Variants in DIAPH3 observed in about 807,000 individuals in gnomAD.
DIAPH3 encodes diaphanous related formin 3.
DIAPH3 carries 117 observed loss-of-function variants against 144.3 expected under a neutral mutation model. The ratio of observed to expected loss-of-function variants is 0.81; its 90% confidence interval spans 0.70 to 0.95. The LOEUF (loss-of-function observed/expected upper bound fraction) is 0.95, where lower values mean the gene tolerates loss of function less well. Ranked by LOEUF, DIAPH3 falls within the 40% of genes least tolerant of loss-of-function variation. The pLI, the probability that DIAPH3 is intolerant of heterozygous loss-of-function variation, is 0.00. For missense variants in DIAPH3, 1,421 were observed against 1,412.7 expected, an observed-to-expected ratio of 1.01 and a Z score of -0.09; for synonymous variants, 519 against 488.9, an observed-to-expected ratio of 1.06 and a Z score of -0.81.
intron 27 of DIAPH3, among the ~76,000 whole-genome samples, chr13:59,735,164 CAAT>C (rs1009879579): frequency 2.6e-5 from 4 of 151,788 alleles, no homozygotes; most frequent in African/African-American, 9.7e-5. Context: ...AAAAACAATG[CAAT>C]ATTATAAGCA....
chr13:59,869,485 T>C (rs1369354800), intron 21 of DIAPH3, among the ~76,000 whole-genome samples: 1 of 152,168 alleles, frequency 6.6e-6, no homozygotes, highest in East Asian at 1.9e-4. Flanking sequence ...ATATACCGGA[T>C]TGTGAAAAGA....
At chr13:59,714,135 C>A (rs892791036) in intron 27 of DIAPH3, among the ~76,000 whole-genome samples, 2 of 151,880 alleles carry the variant, frequency 1.3e-5, no homozygotes, top group East Asian at 3.9e-4. Context: ...CCGAGGCGGG[C>A]GGATCACGAG....
chr13:60,119,919 G>T (rs1162835794), intron 2 of DIAPH3, among the ~76,000 whole-genome samples: 2 of 152,036 alleles, frequency 1.3e-5, no homozygotes, highest in Non-Finnish European at 2.9e-5. Context: ...CTTGTTGAAG[G>T]TATGAATGAA....
intron 5 of DIAPH3, among the ~76,000 whole-genome samples, chr13:60,025,534 G>A (rs2054321148): frequency 6.6e-6 from 1 of 151,436 alleles, no homozygotes; most frequent in South Asian, 2.1e-4. Context: ...CAGTGACAGT[G>A]GTAAGAGGAG....
At chr13:59,737,931 C>T (rs1775678377) in intron 27 of DIAPH3, among the ~76,000 whole-genome samples, 1 of 152,012 alleles carries the variant, frequency 6.6e-6, no homozygotes, top group African/African-American at 2.4e-5. Flanking sequence ...CTTTGGGAGG[C>T]CGAGGTGGGT....
At position 59,943,135 on chromosome 13, in the gene DIAPH3, G is replaced by A. The variant is rs114912049; in HGVS notation, c.2075-18265C>T. Among the ~76,000 whole-genome samples, 506 of 152,150 alleles carry A rather than the reference G, an allele frequency of 3.3e-3. 2 individuals are homozygous for A. The highest frequency in any genetic ancestry group is 0.011 in the African/African-American group (460 of 41,498). ...CCGTTAGCACATTTCCTCTTCTATC[G>A]AGTCTGAACAAAATGGGCTTTCTGG... On this transcript the variant is annotated intron_variant, in intron 17 of 27. Coordinates refer to ENST00000400324, the MANE Select transcript of DIAPH3 (RefSeq NM_001042517.2).
rs114199980 is a variant in DIAPH3 at position 59,773,805 on chromosome 13, T to C, written c.3319+384A>G. ...AGGTATTTCTAACTGCACTGGCAAA[T>C]GTGGGAGATTAAAACAAGATGACAG... On this transcript the variant is annotated intron_variant, in intron 27 of 27. Coordinates refer to ENST00000400324, the MANE Select transcript of DIAPH3 (RefSeq NM_001042517.2). Among the ~76,000 whole-genome samples the C allele has an allele frequency of 4.7e-3, 417 of 87,952 alleles. 3 individuals are homozygous for C. The highest frequency in any genetic ancestry group is 0.014 in the African/African-American group (397 of 27,716). 57.7% of individuals were successfully genotyped at this position (87,952 alleles called of 152,430 possible). A position where few individuals can be genotyped will look rare whatever the true frequency, so the allele number is the denominator to read the frequency against.
chr13:60,102,416 T>C (rs1254388767), intron 3 of DIAPH3, among the ~76,000 whole-genome samples: 1 of 152,124 alleles, frequency 6.6e-6, no homozygotes. Flanking sequence ...GCATGGAACA[T>C]AATGGTCACT....
chr13:59,774,970 C>CT, intron 25 of DIAPH3, 147 bp from the exon 26 acceptor site: 2 of 687,296 alleles, frequency 2.9e-6, no homozygotes, highest in Non-Finnish European at 2.6e-6. Context: ...TAGGACAGGA[C>CT]TTTAACTCTC....
chr13:59,924,523 G>GTT (rs537212129), intron 18 of DIAPH3, among the ~76,000 whole-genome samples: 1 of 140,790 alleles, frequency 7.1e-6, no homozygotes, highest in Admixed American at 7.1e-5. Context: ...AAGAGTAGCT[G>GTT]TTTTTTTTTT....
intron 27 of DIAPH3, among the ~76,000 whole-genome samples, chr13:59,715,319 T>C (rs1308975273): frequency 6.6e-6 from 1 of 152,184 alleles, no homozygotes; most frequent in African/African-American, 2.4e-5. Context: ...GCATCTGTTC[T>C]GTAGCAGTAC....
intron 1 of DIAPH3, among the ~76,000 whole-genome samples, chr13:60,139,792 A>C (rs139062808): frequency 6.8e-4 from 104 of 152,314 alleles, no homozygotes; most frequent in Non-Finnish European, 1.1e-3. Flanking sequence ...GTTGGGGTAA[A>C]ATAAAAGGAA....
chr13:60,117,850 G>A (rs2058738563), intron 2 of DIAPH3, among the ~76,000 whole-genome samples: 1 of 152,034 alleles, frequency 6.6e-6, no homozygotes, highest in African/African-American at 2.4e-5. Context: ...GCTGGGGGTT[G>A]TTTATGTGTG....
chr13:59,816,358 T>A (rs139779385), intron 24 of DIAPH3, among the ~76,000 whole-genome samples: 165 of 152,058 alleles, frequency 1.1e-3, no homozygotes, highest in African/African-American at 3.8e-3. Context: ...CTATTTCTTT[T>A]AAAGTAATTT....
intron 12 of DIAPH3, among the ~76,000 whole-genome samples, chr13:59,989,557 A>C (rs2140796767): frequency 6.6e-6 from 1 of 152,010 alleles, no homozygotes; most frequent in Non-Finnish European, 1.5e-5. Flanking sequence ...AAAGAGCCAA[A>C]GAAGGAATTA....
intron 12 of DIAPH3, among the ~76,000 whole-genome samples, chr13:59,988,186 TG>T (rs1388809509): frequency 2.0e-5 from 3 of 151,836 alleles, no homozygotes; most frequent in Non-Finnish European, 4.4e-5. Context: ...AAACGGTTCC[TG>T]GGTACAAATC....
At chr13:59,919,231 A>T (rs2047394855) in intron 18 of DIAPH3, among the ~76,000 whole-genome samples, 1 of 152,154 alleles carries the variant, frequency 6.6e-6, no homozygotes, top group Non-Finnish European at 1.5e-5. Flanking sequence ...AGAGTAGATA[A>T]CATTGTAGAA....
intron 20 of DIAPH3, among the ~76,000 whole-genome samples, chr13:59,888,829 T>C (rs1290435440): frequency 6.6e-6 from 1 of 151,492 alleles, no homozygotes; most frequent in East Asian, 1.9e-4. Flanking sequence ...GTCACCTTAT[T>C]TTTTTTTAAG....
chr13:60,104,966 G>A (rs2058368916), intron 3 of DIAPH3, among the ~76,000 whole-genome samples: 1 of 151,574 alleles, frequency 6.6e-6, no homozygotes, highest in Non-Finnish European at 1.5e-5. Flanking sequence ...AGTGGTGGCG[G>A]GCACCTGTAG....
Sources: gnomAD v4.1 joint callset for allele counts (sites outside exome capture counted in the v4.1 genomes callset) on GRCh38, gnomAD v4.1.1 for gene constraint, MANE v1.5 for transcripts, NCBI Gene and HGNC (gene_info 2026-07-23, HGNC 2026-07-21) for gene names.